XPO4: variants seen among roughly 807,000 people sequenced by gnomAD.
XPO4 encodes the protein exportin-4.
A neutral mutation model predicts 143.0 loss-of-function variants in XPO4; 39 were observed. The observed-to-expected ratio is 0.27, with a 90% CI of 0.21 to 0.36. The LOEUF (loss-of-function observed/expected upper bound fraction) is 0.36. Ranked by LOEUF, XPO4 falls within the 10% of genes least tolerant of loss-of-function variation. XPO4 has a pLI of 1.00. For synonymous variants in XPO4, 439 were observed against 474.0 expected, an observed-to-expected ratio of 0.93 and a Z score of 0.96; for missense variants, 907 against 1,348.0, an observed-to-expected ratio of 0.67 and a Z score of 5.12.
At chr13:20,875,964 A>C (rs2060347013) in intron 1 of XPO4, among the ~76,000 whole-genome samples, 1 of 152,020 alleles carries the variant, frequency 6.6e-6, no homozygotes, top group Non-Finnish European at 1.5e-5. Context: ...ATTTAAAAAA[A>C]AGAGGCTAGG....
intron 3 of XPO4, among the ~76,000 whole-genome samples, chr13:20,862,385 A>C (rs1038637404): frequency 6.6e-6 from 1 of 152,238 alleles, no homozygotes; most frequent in African/African-American, 2.4e-5. Context: ...AAAAGGTATT[A>C]TTTCATTAAG....
rs780710707 is a variant in XPO4, at chr13:20,842,988, G to A, written c.634C>T (p.Arg212Trp). 5 of 1,613,266 alleles carry A rather than the reference G, an allele frequency of 3.1e-6. No individual in the cohort carries two copies. Among genetic ancestry groups the A allele is most frequent in the Admixed American group, 3.3e-5 (2 of 59,994 alleles). ...TVEVLQEFSR[R>W]ENLNAQMSSV... Reference sequence around the variant, plus strand: ...GACATCTGAGCATTGAGGTTTTCCCGCCTGCTGAACTCCTGCAGAACTTCA... The same window carrying A: ...GACATCTGAGCATTGAGGTTTTCCCACCTGCTGAACTCCTGCAGAACTTCA... Residue 212 changes from arginine to tryptophan, a missense_variant, in exon 6 of 23, where the codon CGG becomes TGG. By Grantham distance (101) the Arg-to-Trp change is moderately radical. Transcript: ENST00000255305.
At chr13:20,806,984 T>C (rs1384523551) in intron 13 of XPO4, among the ~76,000 whole-genome samples, 1 of 152,180 alleles carries the variant, frequency 6.6e-6, no homozygotes, top group East Asian at 1.9e-4. Context: ...AACAGGGCTC[T>C]TAAGTTTCAC....
chr13:20,821,889 G>A lies in XPO4; in HGVS notation c.999-11C>T, dbSNP rs764144563. ...TCTTCTATTTCAATTCTAAAACCAA[G>A]GAATGAGTATTATTAAGTGGCAGTA... On this transcript the variant is annotated splice_polypyrimidine_tract_variant and intron_variant, in intron 8 of 22. Transcript: ENST00000255305. 15 of 1,607,314 alleles carry A rather than the reference G, an allele frequency of 9.3e-6. No individual in the cohort carries two copies. The highest frequency in any genetic ancestry group is 1.2e-5 in the Non-Finnish European group (14 of 1,176,494).
intron 18 of XPO4, 122 bp from the exon 19 acceptor site, chr13:20,790,702 A>G (rs1234684757): frequency 5.2e-6 from 4 of 763,154 alleles, no homozygotes; most frequent in Non-Finnish European, 8.7e-6. Flanking sequence ...AGTGAATAAT[A>G]AAGAATCTGA....
intron 19 of XPO4, among the ~76,000 whole-genome samples, chr13:20,789,395 CTT>C (rs35527944): frequency 1.0e-4 from 14 of 134,760 alleles, no homozygotes; most frequent in East Asian, 2.2e-4. Context: ...TCAGCCTCTA[CTT>C]TTTTTTTTTT....
chr13:20,851,238 G>A (rs2060082292), intron 4 of XPO4: 1 of 985,256 alleles, frequency 1.0e-6, no homozygotes, highest in Admixed American at 6.1e-5. Flanking sequence ...AAGCTACTGG[G>A]CAAGGACAAA....
intron 1 of XPO4, among the ~76,000 whole-genome samples, chr13:20,896,092 A>G (rs897104905): frequency 1.3e-5 from 2 of 152,204 alleles, no homozygotes; most frequent in African/African-American, 4.8e-5. Context: ...GTGAAATAAC[A>G]TTTTATTCTT....
At chr13:20,895,807 AG>A (rs1264733650) in intron 1 of XPO4, among the ~76,000 whole-genome samples, 2 of 152,170 alleles carry the variant, frequency 1.3e-5, no homozygotes, top group Non-Finnish European at 2.9e-5. Context: ...TTAAAAAAAA[AG>A]CTATCACATT....
At chr13:20,796,300 G>A in intron 17 of XPO4, 44 bp from the exon 18 acceptor site, 1 of 1,379,004 alleles carries the variant, frequency 7.3e-7, no homozygotes, top group Non-Finnish European at 9.5e-7. Flanking sequence ...TTGGTACACT[G>A]ACATTAAAAA....
At chr13:20,902,755 C>T (rs766231503), upstream of XPO4, 2 of 1,467,604 alleles carry the variant, frequency 1.4e-6, no homozygotes, top group Admixed American at 4.7e-5. Context: ...TCTTCAATGA[C>T]GCGCCATGCG....
intron 9 of XPO4, among the ~76,000 whole-genome samples, chr13:20,810,739 C>G (rs1490637469): frequency 6.6e-6 from 1 of 152,188 alleles, no homozygotes; most frequent in Non-Finnish European, 1.5e-5. Context: ...TCTCCACAAG[C>G]ATGGTACCGG....
chr13:20,845,672 A>T (rs1270134057), intron 4 of XPO4, among the ~76,000 whole-genome samples: 1 of 152,198 alleles, frequency 6.6e-6, no homozygotes, highest in Non-Finnish European at 1.5e-5. Flanking sequence ...ATTTTCAAAA[A>T]TTTTCTTTTA....
At chr13:20,892,539 G>A (rs919950495) in intron 1 of XPO4, among the ~76,000 whole-genome samples, 8 of 152,076 alleles carry the variant, frequency 5.3e-5, no homozygotes, top group Non-Finnish European at 1.2e-4. Flanking sequence ...GCAACAAGGT[G>A]CCAAGCCCTG....
chr13:20,871,214 T>A (rs1280266735), intron 1 of XPO4, among the ~76,000 whole-genome samples: 1 of 152,126 alleles, frequency 6.6e-6, no homozygotes, highest in East Asian at 1.9e-4. Flanking sequence ...GGAATCTCAC[T>A]CTGTTGCCCA....
At chr13:20,890,798 CAAAA>C (rs60214499) in intron 1 of XPO4, among the ~76,000 whole-genome samples, 6 of 93,142 alleles carry the variant, frequency 6.4e-5, no homozygotes, top group Admixed American at 1.3e-4. Flanking sequence ...GACCCTGCCT[CAAAA>C]AAAAAAAAAA....
intron 4 of XPO4, among the ~76,000 whole-genome samples, chr13:20,847,501 C>G (rs2060039625): frequency 6.6e-6 from 1 of 152,166 alleles, no homozygotes; most frequent in African/African-American, 2.4e-5. Context: ...AAGGAGATCA[C>G]CAGCTTCAGC....
chr13:20,788,932 T>G (rs528609200), intron 19 of XPO4, among the ~76,000 whole-genome samples: 1 of 152,342 alleles, frequency 6.6e-6, no homozygotes, highest in South Asian at 2.1e-4. Flanking sequence ...AGATTTAAAA[T>G]TATTAAATAA....
At chr13:20,856,815 T>C (rs989274510) in intron 3 of XPO4, 6 of 984,012 alleles carry the variant, frequency 6.1e-6, no homozygotes, top group Admixed American at 6.1e-5. Context: ...TCCAGGCCTC[T>C]GAACTTCTAT....
Sources: allele counts gnomAD v4.1 joint callset (sites outside exome capture counted in the v4.1 genomes callset), GRCh38; gene constraint gnomAD v4.1.1; transcripts MANE v1.5; gene names NCBI Gene and HGNC (gene_info 2026-07-23, HGNC 2026-07-21).